Variants in PUM1 observed in about 807,000 individuals in gnomAD.
PUM1 encodes pumilio homolog 1.
PUM1 carries 13 observed loss-of-function variants against 131.8 expected under a neutral mutation model. The ratio of observed to expected loss-of-function variants is 0.10; its 90% confidence interval spans 0.06 to 0.16. The LOEUF (loss-of-function observed/expected upper bound fraction) is 0.16. PUM1 is among the 10% of genes least tolerant of loss of function. The pLI, the probability that PUM1 is intolerant of heterozygous loss-of-function variation, is 1.00. For synonymous variants in PUM1, 509 were observed against 556.5 expected (o/e 0.91, Z 1.20); for missense variants, 961 against 1,512.4 (o/e 0.64, Z 6.05).
chr1:31,020,272 A>G (rs1642974197), intron 3 of PUM1, among the ~76,000 whole-genome samples: 1 of 152,162 alleles, frequency 6.6e-6, no homozygotes, highest in Non-Finnish European at 1.5e-5. Flanking sequence ...GTGTAGGTGT[A>G]CCACATGTTC....
intron 2 of PUM1, among the ~76,000 whole-genome samples, chr1:31,055,749 C>CT (rs1278822030): frequency 1.3e-5 from 2 of 152,100 alleles, no homozygotes; most frequent in Non-Finnish European, 2.9e-5. Flanking sequence ...AGACAGAGGC[C>CT]TGAGTAAGCC....
chr1:31,008,914 C>T (rs1259617793), intron 3 of PUM1, among the ~76,000 whole-genome samples: 2 of 151,726 alleles, frequency 1.3e-5, no homozygotes, highest in African/African-American at 2.4e-5. Flanking sequence ...TGGCTCACAC[C>T]TATAATCCTA....
chr1:30,940,230 C>T (rs185930007), intron 20 of PUM1, among the ~76,000 whole-genome samples: 30 of 152,294 alleles, frequency 2.0e-4, no homozygotes, highest in Admixed American at 1.4e-3. Flanking sequence ...GTAATCCCAG[C>T]ACTTTGGGAG....
At chr1:31,015,080 T>C (rs888335291) in intron 3 of PUM1, among the ~76,000 whole-genome samples, 6 of 152,170 alleles carry the variant, frequency 3.9e-5, no homozygotes, top group African/African-American at 1.4e-4. Flanking sequence ...AAAAGTAAAA[T>C]ACAAAATTGT....
At chr1:31,038,228 T>TA (rs951925224) in intron 2 of PUM1, among the ~76,000 whole-genome samples, 3 of 151,056 alleles carry the variant, frequency 2.0e-5, no homozygotes, top group African/African-American at 7.3e-5. Context: ...GAGAGAGAAA[T>TA]ATGTTCAGAG....
chr1:31,042,047 G>A (rs920927113), intron 2 of PUM1, among the ~76,000 whole-genome samples: 1 of 152,092 alleles, frequency 6.6e-6, no homozygotes, highest in Non-Finnish European at 1.5e-5. Flanking sequence ...GCTCACGCCT[G>A]TAATCCCAGG....
intron 14 of PUM1, among the ~76,000 whole-genome samples, chr1:30,959,626 G>A (rs1338660790): frequency 6.6e-6 from 1 of 152,126 alleles, no homozygotes; most frequent in East Asian, 1.9e-4. Context: ...CAGAAAAAAT[G>A]GCCGGGCGAG....
At chr1:30,957,605 T>C (rs1640223529) in intron 14 of PUM1, among the ~76,000 whole-genome samples, 2 of 152,380 alleles carry the variant, frequency 1.3e-5, no homozygotes, top group Admixed American at 1.3e-4. Flanking sequence ...TTAAATGTTT[T>C]ATTTAAATTA....
chr1:30,981,582 CCTGT>C (rs1441399412), intron 7 of PUM1, among the ~76,000 whole-genome samples, 177 bp from the exon 8 acceptor site: 1 of 152,072 alleles, frequency 6.6e-6, no homozygotes, highest in African/African-American at 2.4e-5. Flanking sequence ...TTCTGTTCTC[CCTGT>C]CTCTCTTTCT....
intron 20 of PUM1, among the ~76,000 whole-genome samples, chr1:30,938,438 G>C (rs556955984): frequency 6.6e-6 from 1 of 152,238 alleles, no homozygotes; most frequent in Non-Finnish European, 1.5e-5. Flanking sequence ...ATTTTCAGTA[G>C]AGATGGGTTT....
chr1:31,056,599 CTTTTCTTTTCTT>C, intron 2 of PUM1, among the ~76,000 whole-genome samples: 1 of 110,998 alleles, frequency 9.0e-6, no homozygotes, highest in African/African-American at 3.1e-5. Flanking sequence ...GAAAACCTTC[CTTTTCTTTTCTT>C]TTTTTTTTTT....
chr1:30,987,837 CA>C (rs752299457), intron 7 of PUM1, among the ~76,000 whole-genome samples: 27 of 152,250 alleles, frequency 1.8e-4, no homozygotes, highest in Non-Finnish European at 3.5e-4. Flanking sequence ...TTGTAGACAA[CA>C]AACTACATTA....
chr1:30,934,885 A>G (rs1246104078), intron 21 of PUM1, among the ~76,000 whole-genome samples: 2 of 152,234 alleles, frequency 1.3e-5, no homozygotes, highest in African/African-American at 4.8e-5. Flanking sequence ...GGATTTAACA[A>G]GAAGTGAAAC....
At chr1:31,015,329 T>C (rs1642771877) in intron 3 of PUM1, among the ~76,000 whole-genome samples, 1 of 152,100 alleles carries the variant, frequency 6.6e-6, no homozygotes, top group African/African-American at 2.4e-5. Flanking sequence ...CACTTCAACA[T>C]AATTTCATTT....
intron 14 of PUM1, among the ~76,000 whole-genome samples, chr1:30,964,198 A>T (rs527246962): frequency 9.2e-5 from 14 of 152,316 alleles, no homozygotes; most frequent in African/African-American, 3.4e-4. Context: ...CAAATATTTT[A>T]AAATATGGCA....
At chr1:30,977,379 A>G (rs977114026) in intron 9 of PUM1, among the ~76,000 whole-genome samples, 1 of 152,202 alleles carries the variant, frequency 6.6e-6, no homozygotes, top group African/African-American at 2.4e-5. Flanking sequence ...GCAACCTGCA[A>G]TAATAGTCCC....
intron 16 of PUM1, among the ~76,000 whole-genome samples, chr1:30,951,624 G>A (rs11586148): frequency 0.1 from 15,399 of 152,112 alleles, 869 homozygotes; most frequent in South Asian, 0.14. Flanking sequence ...AAGCAAAAAA[G>A]TCCCTGCCTC....
At chr1:31,038,984 A>ATATATATATATATATATATATATT in intron 2 of PUM1, among the ~76,000 whole-genome samples, 10 of 49,414 alleles carry the variant, frequency 2.0e-4, no homozygotes, top group Admixed American at 4.3e-4. Context: ...ATATATATAT[A>ATATATATATATATATATATATATT]TTTTTTTTTT....
At chr1:31,038,984 A>ATATATATATATATATTTTTTT in intron 2 of PUM1, among the ~76,000 whole-genome samples, 16 of 49,408 alleles carry the variant, frequency 3.2e-4, no homozygotes, top group East Asian at 1.3e-3. Flanking sequence ...ATATATATAT[A>ATATATATATATATATTTTTTT]TTTTTTTTTT....
Sources: gnomAD v4.1 joint callset for allele counts (sites outside exome capture counted in the v4.1 genomes callset) on GRCh38, gnomAD v4.1.1 for gene constraint, MANE v1.5 for transcripts, NCBI Gene and HGNC (gene_info 2026-07-23, HGNC 2026-07-21) for gene names.